Variants in ZFYVE9 observed in about 807,000 individuals in gnomAD.
ZFYVE9 encodes the protein zinc finger FYVE domain-containing protein 9.
Under a neutral mutation model 126.7 loss-of-function variants are expected in ZFYVE9, and 43 were observed. The observed-to-expected ratio is 0.34, with a 90% CI of 0.27 to 0.44. ZFYVE9 has a LOEUF of 0.44. Ranked by LOEUF, ZFYVE9 falls within the 20% of genes least tolerant of loss-of-function variation. The pLI, the probability that ZFYVE9 is intolerant of heterozygous loss-of-function variation, is 1.00. For missense variants in ZFYVE9, 1,476 were observed against 1,697.0 expected (o/e 0.87, Z 2.29); for synonymous variants, 521 against 597.4 (o/e 0.87, Z 1.87).
intron 1 of ZFYVE9, among the ~76,000 whole-genome samples, chr1:52,206,571 A>T (rs1463059616): frequency 6.6e-6 from 1 of 152,118 alleles, no homozygotes; most frequent in Non-Finnish European, 1.5e-5. Flanking sequence ...TTTTTGAGAC[A>T]GTCTCGTGGT....
At chr1:52,188,186 T>C (rs1365709505) in intron 1 of ZFYVE9, among the ~76,000 whole-genome samples, 2 of 151,222 alleles carry the variant, frequency 1.3e-5, no homozygotes, top group African/African-American at 2.4e-5. Context: ...GGAACACGGA[T>C]GGAGCTGGAG....
At chr1:52,167,234 T>G (rs1284128157) in intron 1 of ZFYVE9, among the ~76,000 whole-genome samples, 2 of 152,186 alleles carry the variant, frequency 1.3e-5, no homozygotes, top group Non-Finnish European at 2.9e-5. Flanking sequence ...CTGTTTCTCA[T>G]TGAAGAAAAA....
intron 1 of ZFYVE9, chr1:52,162,421 G>C: frequency 3.7e-6 from 1 of 272,448 alleles, no homozygotes; most frequent in Non-Finnish European, 7.6e-6. Context: ...GTATAGGTGT[G>C]CGCATTGTCT....
At chr1:52,155,705 C>T (rs779092045) in intron 1 of ZFYVE9, among the ~76,000 whole-genome samples, 9 of 152,170 alleles carry the variant, frequency 5.9e-5, no homozygotes, top group Non-Finnish European at 8.8e-5. Context: ...GTTGTTGCCC[C>T]TACTCAATAC....
intron 1 of ZFYVE9, among the ~76,000 whole-genome samples, chr1:52,174,757 A>T (rs932683801): frequency 6.6e-6 from 1 of 152,096 alleles, no homozygotes; most frequent in African/African-American, 2.4e-5. Flanking sequence ...ACCATTATGT[A>T]ATGGCCTTCT....
At chr1:52,344,658 C>T (rs1646468204) in intron 17 of ZFYVE9, 110 bp from the exon 18 acceptor site, 4 of 1,188,316 alleles carry the variant, frequency 3.4e-6, no homozygotes, top group Admixed American at 2.2e-5. Flanking sequence ...CTGTTCCTGT[C>T]ATGTCTTCTT....
intron 13 of ZFYVE9, 142 bp from the exon 14 acceptor site, chr1:52,332,626 T>C (rs1646352705): frequency 1.0e-6 from 1 of 987,948 alleles, no homozygotes; most frequent in African/African-American, 1.6e-5. Context: ...ATTTTTTTAC[T>C]TTGTTTCATT....
chr1:52,310,686 T>A (rs1347508304), intron 13 of ZFYVE9, among the ~76,000 whole-genome samples: 1 of 152,208 alleles, frequency 6.6e-6, no homozygotes, highest in Non-Finnish European at 1.5e-5. Flanking sequence ...GTTTAAATAA[T>A]TACCAATTTA....
Position 52,142,097 on chromosome 1 carries a change from C to T in ZFYVE9, c.-449C>T, listed in dbSNP as rs1644261620. On this transcript the variant is annotated 5_prime_UTR_variant, in exon 1 of 19. Transcript: ENST00000287727. This position sits in a 1 kb window ranked among gnomAD's most constrained non-coding sequence, Gnocchi z 4.5. Reference sequence around the variant, plus strand: ...CGGCGGCAGGAGCGGCCACCCGACGCTGGAGGCTTCGCTGAGGATCCCCGC... The same window carrying T: ...CGGCGGCAGGAGCGGCCACCCGACGTTGGAGGCTTCGCTGAGGATCCCCGC... 1 of 151,308 alleles carries T rather than the reference C, an allele frequency of 6.6e-6. No individual in the cohort carries two copies. Among genetic ancestry groups the T allele is most frequent in the South Asian group, 2.1e-4 (1 of 4,834 alleles). 9.4% of individuals were successfully genotyped at this position (151,308 alleles called of 1,614,324 possible).
At chr1:52,202,085 A>G (rs1644928335) in intron 1 of ZFYVE9, among the ~76,000 whole-genome samples, 2 of 152,196 alleles carry the variant, frequency 1.3e-5, no homozygotes, top group Admixed American at 1.3e-4. Context: ...CACACAGCCC[A>G]AAGTGATTAT....
At chr1:52,276,202 G>C (rs529887748) in intron 8 of ZFYVE9, among the ~76,000 whole-genome samples, 13 of 152,080 alleles carry the variant, frequency 8.5e-5, no homozygotes, top group Admixed American at 3.9e-4. Flanking sequence ...TACCATGCCC[G>C]GTCTGACAAT....
chr1:52,316,715 A>G (rs1412940106), intron 13 of ZFYVE9, among the ~76,000 whole-genome samples: 1 of 152,204 alleles, frequency 6.6e-6, no homozygotes, highest in African/African-American at 2.4e-5. Flanking sequence ...TGGTAAAACA[A>G]AAGGTTAAAT....
At chr1:52,340,279 T>G (rs1646422212) in intron 17 of ZFYVE9, 48 bp downstream of exon 17, 1 of 1,452,764 alleles carries the variant, frequency 6.9e-7, no homozygotes, top group Non-Finnish European at 9.6e-7. Context: ...AGCACAACTT[T>G]TTGCTAGGCC....
rs543541622 is a variant in ZFYVE9 at position 52,196,782 on chromosome 1, T to C, written c.-142-19587T>C. ...TATAAAATCTCAGCATTTATTCACA[T>C]GGATAAAGAATCAGAGGTGGGAAAG... On this transcript the variant is annotated intron_variant, in intron 1 of 18. Transcript: ENST00000287727. Among the ~76,000 whole-genome samples the C allele has an allele frequency of 2.4e-3, 359 of 152,258 alleles. 3 individuals carry two copies. The highest frequency in any genetic ancestry group is 3.4e-3 in the Middle Eastern group (1 of 294).
At chr1:52,182,298 G>A (rs957265045) in intron 1 of ZFYVE9, among the ~76,000 whole-genome samples, 6 of 152,168 alleles carry the variant, frequency 3.9e-5, no homozygotes, top group Non-Finnish European at 8.8e-5. Flanking sequence ...GCGGTTTTGT[G>A]GAATAGAAAA....
At chr1:52,230,222 G>C (rs112080941) in intron 2 of ZFYVE9, among the ~76,000 whole-genome samples, 5,323 of 152,184 alleles carry the variant, frequency 0.035, 336 homozygotes, top group African/African-American at 0.12. Context: ...AAAAAACTCA[G>C]CAAAGCGAGA....
chr1:52,332,863 T>C lies in ZFYVE9; in HGVS notation c.3534T>C (p.Asn1178=), dbSNP rs138882842. The change falls in exon 14 of 19, where the codon AAT becomes AAC. Residue 1178 remains asparagine, a synonymous_variant. Coordinates refer to ENST00000287727, the MANE Select transcript of ZFYVE9 (RefSeq NM_004799.4). The stretch of plus-strand genomic sequence containing the variant: ...ACTCTCATCTTGTGTGTGTACAGAA[T>C]GATGATGGAAACTATCAGACCCAGG... ...KADSHLVCVQ[N]DDGNYQTQAI... 1.2e-6 allele frequency: 2 copies of C among 1,614,166 alleles called. No individual in the cohort carries two copies. The highest frequency in any genetic ancestry group is 2.7e-5 in the African/African-American group (2 of 75,040).
At chr1:52,333,927 C>T (rs757347987) in intron 14 of ZFYVE9, among the ~76,000 whole-genome samples, 1 of 151,854 alleles carries the variant, frequency 6.6e-6, no homozygotes, top group Admixed American at 6.6e-5. Context: ...TTCATCTTTA[C>T]TAAAAATACA....
chr1:52,187,774 G>A lies in ZFYVE9; in HGVS notation c.-142-28595G>A, dbSNP rs139941411. On this transcript the variant is annotated intron_variant, in intron 1 of 18. Transcript: ENST00000287727. ...GAGATACCATCTCACACCAGTCAGA[G>A]TGGCTATTGTTAAAAAGTCAATTAA... Among the ~76,000 whole-genome samples the A allele has an allele frequency of 6.3e-3, 964 of 152,324 alleles. 12 individuals are homozygous for A. The highest frequency in any genetic ancestry group is 0.014 in the Middle Eastern group (4 of 294).
Sources: allele counts gnomAD v4.1 joint callset (sites outside exome capture counted in the v4.1 genomes callset), GRCh38; gene constraint gnomAD v4.1.1; non-coding constraint Gnocchi (gnomAD v3.1); transcripts MANE v1.5; gene names NCBI Gene and HGNC (gene_info 2026-07-23, HGNC 2026-07-21).